SF3B2: variants seen among roughly 807,000 people sequenced by gnomAD.
SF3B2 encodes SAP 145.
SF3B2 carries 22 observed loss-of-function variants against 116.3 expected under a neutral mutation model. The observed-to-expected ratio is 0.19, with a 90% CI of 0.14 to 0.27. The LOEUF is 0.27. SF3B2 is among the 10% of genes least tolerant of loss of function. The pLI is 1.00. For synonymous variants in SF3B2, 406 were observed against 421.6 expected, an observed-to-expected ratio of 0.96 and a Z score of 0.45; for missense variants, 767 against 1,151.4, an observed-to-expected ratio of 0.67 and a Z score of 4.83.
Position 66,052,974 on chromosome 11 carries a change from G to A in SF3B2, c.181-53G>A, listed in dbSNP as rs372476811. The A allele has an allele frequency of 3.1e-5, 49 of 1,558,374 alleles. No individual in the cohort carries two copies. The African/African-American group carries it at 4.2e-4, about 13-fold the overall frequency. ...GTTGAATGAATTGGGAGCGAACGTC[G>A]TTTAGTGAAACAGCTAGTTTTGGAC... On this transcript the variant is annotated intron_variant, in intron 2 of 21. Transcript: ENST00000322535.
At chr11:66,053,798 A>G (rs1856937671) in intron 3 of SF3B2, 1 of 153,014 alleles carries the variant, frequency 6.5e-6, no homozygotes. Flanking sequence ...GCAAACCACC[A>G]TAGCACACAT....
At chr11:66,056,811 G>A (rs1299145931) in intron 5 of SF3B2, 27 bp from the exon 6 acceptor site, 8 of 1,571,058 alleles carry the variant, frequency 5.1e-6, no homozygotes, top group Non-Finnish European at 7.0e-6. Flanking sequence ...TTTTCAGGCA[G>A]TATCTACTCC....
chr11:66,059,863 C>T lies in SF3B2; in HGVS notation c.1483C>T (p.Arg495Trp), dbSNP rs370412310. The change falls in exon 13 of 22, where the codon CGG becomes TGG. Residue 495 changes from arginine to tryptophan, a missense_variant. Physicochemically the swap from Arg to Trp is moderately radical, Grantham distance 101. This residue lies in a region of SF3B2 where 282 missense variants were observed against 568.0 expected (regional missense o/e 0.50). Transcript: ENST00000322535. This position sits in a 1 kb window ranked among gnomAD's most constrained non-coding sequence, Gnocchi z 5.0. ...PKLLVHLKAT[R>W]NSVPVPRHWC... is the part of the protein sequence containing the mutation. ...GCTCTTGGTTCACCTCAAGGCCACT[C>T]GGAACTCTGTGCCTGTGCCACGCCA... 3 of 1,614,212 alleles carry T rather than the reference C, an allele frequency of 1.9e-6. No homozygotes were observed. The highest frequency in any genetic ancestry group is 2.5e-6 in the Non-Finnish European group (3 of 1,180,040).
At position 66,059,676 on chromosome 11, in the gene SF3B2, T is replaced by C; in HGVS notation, c.1401+81T>C. ...GAGCCAGGGAGGTGAAAAGGAGTTC[T>C]TTGAAGGAGGTGTGGGTGATTTGGG... On this transcript the variant is annotated intron_variant, in intron 12 of 21. Coordinates refer to ENST00000322535, the MANE Select transcript of SF3B2 (RefSeq NM_006842.3). This position sits in a 1 kb window ranked among gnomAD's most constrained non-coding sequence, Gnocchi z 5.0. 21 of 1,590,364 alleles carry C rather than the reference T, an allele frequency of 1.3e-5. No individual in the cohort carries two copies. The highest frequency in any genetic ancestry group is 1.8e-5 in the Non-Finnish European group (21 of 1,158,980).
intron 19 of SF3B2, chr11:66,065,340 T>C (rs1857163668): frequency 6.6e-6 from 1 of 152,242 alleles, no homozygotes; most frequent in Admixed American, 6.5e-5. Context: ...AGAAAACTGC[T>C]GTCATTCTTA....
At position 66,063,738 on chromosome 11, in the gene SF3B2, A is replaced by C. The variant is rs769316211; in HGVS notation, c.2330+9A>C. 6.2e-7 allele frequency: 1 copy of C among 1,602,286 alleles called. No homozygotes were observed. Among genetic ancestry groups the C allele is most frequent in the South Asian group, 1.1e-5 (1 of 89,272 alleles). On this transcript the variant is annotated intron_variant, in intron 19 of 21. Transcript: ENST00000322535. The stretch of plus-strand genomic sequence containing the variant: ...GAGGAGGCGATGGACGGGTAAGGGT[A>C]CCAGACAGGGCTGAGAGGGGAGGAC...
At chr11:66,052,753 G>T (rs1459567835) in intron 2 of SF3B2, 34 bp downstream of exon 2, 3 of 1,538,876 alleles carry the variant, frequency 1.9e-6, no homozygotes, top group South Asian at 2.5e-5. Flanking sequence ...AGGATAGGCC[G>T]AGCTTCTCCA....
Position 66,053,017 on chromosome 11 carries a change from T to C in SF3B2, c.181-10T>C. 1 of 1,614,094 alleles carries C rather than the reference T, an allele frequency of 6.2e-7. No individual in the cohort carries two copies. The highest frequency in any genetic ancestry group is 1.3e-5 in the African/African-American group (1 of 75,048). ...TTTTGGACTGACCTAGAGTCCTTTC[T>C]CTTTTGCAGACTGGCATCGTGCTGA... On this transcript the variant is annotated splice_polypyrimidine_tract_variant and intron_variant, in intron 2 of 21. Coordinates refer to ENST00000322535, the MANE Select transcript of SF3B2 (RefSeq NM_006842.3).
rs1413715689 is a variant in SF3B2, at chr11:66,059,541, G to A, written c.1347G>A (p.Leu449=). The change falls in exon 12 of 22, where the codon CTG becomes CTA. Residue 449 remains leucine, a synonymous_variant. Transcript: ENST00000322535. This position sits in a 1 kb window ranked among gnomAD's most constrained non-coding sequence, Gnocchi z 5.0. The part of the protein sequence containing the change: ...EQEKKPEAPK[L]SKKKLRRMNR... ...AAAAGAAGCCAGAAGCCCCCAAGCT[G>A]TCCAAGAAGAAGTTGCGCCGAATGA... 6 of 1,614,054 alleles carry A rather than the reference G, an allele frequency of 3.7e-6. No homozygotes were observed. The Admixed American group carries it at 6.7e-5, about 18-fold the overall frequency.
chr11:66,058,214 C>G (rs1485593735), intron 8 of SF3B2, 64 bp downstream of exon 8: 5 of 1,573,634 alleles, frequency 3.2e-6, no homozygotes, highest in Non-Finnish European at 4.4e-6. Flanking sequence ...GAGTCCTCAT[C>G]CCTCTGTCCC....
In SF3B2 at chr11:66,068,063, A is replaced by G. The variant is rs1400309776; in HGVS notation, c.2430+18A>G. The G allele has an allele frequency of 2.2e-5, 36 of 1,613,152 alleles. No homozygotes were observed. Among genetic ancestry groups the G allele is most frequent in the African/African-American group, 1.3e-5 (1 of 74,878 alleles). On this transcript the variant is annotated intron_variant, in intron 20 of 21. Transcript: ENST00000322535. ...TGTCCACGGTGAGTACTTGGAGGATACTGCTTTTGGAGGCTGAGAAAGGCA... is the reference window on the plus strand; with the variant it reads ...TGTCCACGGTGAGTACTTGGAGGATGCTGCTTTTGGAGGCTGAGAAAGGCA...
intron 5 of SF3B2, 34 bp downstream of exon 5, chr11:66,055,619 G>A: frequency 6.2e-7 from 1 of 1,605,940 alleles, no homozygotes; most frequent in Non-Finnish European, 8.5e-7. Context: ...TGACCTCGTG[G>A]TCCAGTCAGT....
In SF3B2 at chr11:66,060,004, G is replaced by T. The variant is rs1201482580; in HGVS notation, c.1624G>T (p.Glu542Ter). 1.2e-6 allele frequency: 2 copies of T among 1,613,694 alleles called. No individual in the cohort carries two copies. The highest frequency in any genetic ancestry group is 1.1e-5 in the South Asian group (1 of 91,040). ...GIQEMREALQ[E>*]KEEQKTMKSK... ...CCAGGAGATGCGAGAGGCCCTGCAG[G>T]AGAAGGTGAGGGCCTGGCAGGGCTC... Residue 542 changes from glutamate to a stop codon, truncating the protein, a stop_gained, in exon 13 of 22, where the codon GAG becomes TAG. Transcript: ENST00000322535. LOFTEE classifies it high-confidence loss of function.
chr11:66,061,592 GC>G, intron 14 of SF3B2, 93 bp from the exon 15 acceptor site: 1 of 916,116 alleles, frequency 1.1e-6, no homozygotes, highest in Admixed American at 1.9e-5. Flanking sequence ...GAGCCAGGTA[GC>G]CCTCACTGGG....
intron 3 of SF3B2, chr11:66,053,393 T>C: frequency 2.2e-6 from 1 of 444,672 alleles, no homozygotes; most frequent in Non-Finnish European, 4.2e-6. Flanking sequence ...CAAAAGCAGC[T>C]TGTGGCCGGG....
At position 66,060,798 on chromosome 11, in the gene SF3B2, GT is replaced by G; in HGVS notation, c.1779+70del. 4.0e-6 allele frequency: 6 copies of G among 1,482,572 alleles called. No homozygotes were observed. The South Asian group carries it at 7.1e-5, about 18-fold the overall frequency. The allele number at this position is 1,482,572 out of a possible 1,614,324, so 91.8% of individuals were successfully genotyped here. A position where few individuals can be genotyped will look rare whatever the true frequency, so the allele number is the denominator to read the frequency against. Reference sequence around the variant, plus strand: ...TTGAGACTGTCTAGGGCTTTTTTTTGTTTGTTTGTTTGTTTAAAAAAGATGG... The same window carrying G: ...TTGAGACTGTCTAGGGCTTTTTTTTGTTGTTTGTTTGTTTAAAAAAGATGG... On this transcript the variant is annotated intron_variant, in intron 14 of 21. Coordinates refer to ENST00000322535, the MANE Select transcript of SF3B2 (RefSeq NM_006842.3).
chr11:66,060,833 CCT>C, intron 14 of SF3B2, 102 bp downstream of exon 14: 2 of 1,301,426 alleles, frequency 1.5e-6, no homozygotes, highest in South Asian at 2.7e-5. Context: ...GGAGTCTCAC[CCT>C]GTTATCCAGG....
At chr11:66,063,318 T>TA (rs1459620031) in intron 17 of SF3B2, 82 bp from the exon 18 acceptor site, 3 of 1,379,490 alleles carry the variant, frequency 2.2e-6, no homozygotes, top group African/African-American at 2.9e-5. Context: ...TTTTGACTCT[T>TA]ACACCCCTTC....
chr11:66,066,456 T>G (rs1229775360), intron 19 of SF3B2: 1 of 152,222 alleles, frequency 6.6e-6, no homozygotes, highest in Non-Finnish European at 1.5e-5. Context: ...TGCCTGGTAA[T>G]TTTTTATTGA....
Sources: allele counts gnomAD v4.1 joint callset, GRCh38; gene constraint gnomAD v4.1.1; regional missense constraint gnomAD v4.1.1; non-coding constraint Gnocchi (gnomAD v3.1); transcripts MANE v1.5; gene names NCBI Gene and HGNC (gene_info 2026-07-23, HGNC 2026-07-21).